EHBP1: variants seen among roughly 807,000 people sequenced by gnomAD.
The protein encoded by EHBP1 is EH domain binding protein 1, also known as EH domain-binding protein 1.
Under a neutral mutation model 144.0 loss-of-function variants are expected in EHBP1, and 55 were observed. The observed-to-expected ratio is 0.38, with a 90% confidence interval of 0.31 to 0.48. EHBP1 has a LOEUF of 0.48. EHBP1 is among the 20% of genes least tolerant of loss of function. The probability of loss-of-function intolerance (pLI) is 0.98; values close to 1 mark genes in which losing one functional copy is unlikely to be tolerated. For synonymous variants in EHBP1, 469 were observed against 472.7 expected (o/e 0.99, Z 0.10); for missense variants, 1,200 against 1,364.2 (o/e 0.88, Z 1.90).
chr2:62,712,904 T>C (rs553276598), intron 2 of EHBP1, among the ~76,000 whole-genome samples: 1 of 152,316 alleles, frequency 6.6e-6, no homozygotes, highest in African/African-American at 2.4e-5. Context: ...CATATCCCAA[T>C]ATATTTTTAA....
At chr2:62,759,318 A>G (rs934151411) in intron 3 of EHBP1, among the ~76,000 whole-genome samples, 1 of 151,504 alleles carries the variant, frequency 6.6e-6, no homozygotes, top group Non-Finnish European at 1.5e-5. Context: ...TCCTGTGCCT[A>G]CTTATTTTAT....
chr2:62,850,382 C>T (rs945148153), intron 7 of EHBP1, among the ~76,000 whole-genome samples: 1 of 152,204 alleles, frequency 6.6e-6, no homozygotes, highest in South Asian at 2.1e-4. Context: ...ATCCCCATCC[C>T]CACCTTTTTT....
chr2:63,032,072 A>G (rs2061272285), intron 19 of EHBP1, among the ~76,000 whole-genome samples: 1 of 152,018 alleles, frequency 6.6e-6, no homozygotes, highest in Admixed American at 6.6e-5. Flanking sequence ...CTTTTGAGAA[A>G]TCCAGTGCTG....
rs2034651385 is a variant in EHBP1 at position 62,706,947 on chromosome 2, C to T, written c.-245C>T. Reference sequence around the variant, plus strand: ...CCCTGAGGTGGCATGGTGATGTCTCCATGAGGGAACCCCTTCCCACTCATC... The same window carrying T: ...CCCTGAGGTGGCATGGTGATGTCTCTATGAGGGAACCCCTTCCCACTCATC... On this transcript the variant is annotated 5_prime_UTR_variant, in exon 2 of 23. Coordinates refer to ENST00000431489, the MANE Select transcript of EHBP1 (RefSeq NM_001142616.3). The T allele has an allele frequency of 4.4e-6, 2 of 450,566 alleles. No homozygotes were observed. Among genetic ancestry groups the T allele is most frequent in the African/African-American group, 2.0e-5 (1 of 50,562 alleles). 27.9% of individuals were successfully genotyped at this position (450,566 alleles called of 1,614,324 possible).
chr2:62,713,129 G>C (rs1461389757), intron 2 of EHBP1, among the ~76,000 whole-genome samples: 1 of 152,086 alleles, frequency 6.6e-6, no homozygotes, highest in Non-Finnish European at 1.5e-5. Context: ...AGATTTTTTG[G>C]GTATGAAGAG....
In EHBP1 at chr2:63,032,532, A is replaced by G. The variant is rs189420186; in HGVS notation, c.3104-5003A>G. On this transcript the variant is annotated intron_variant, in intron 19 of 22. Coordinates refer to ENST00000431489, the MANE Select transcript of EHBP1 (RefSeq NM_001142616.3). ...TAGTGAGCCAAGATCGCGCCACTGC[A>G]CTACAGCCTGGGCGACAGAGCGAGA... Among the ~76,000 whole-genome samples, 1,013 of 144,890 alleles carry G rather than the reference A, an allele frequency of 7.0e-3. 11 individuals are homozygous for G. Among genetic ancestry groups the G allele is most frequent in the Non-Finnish European group, 9.6e-3 (641 of 66,814 alleles).
chr2:62,742,241 G>T (rs1055582556), intron 2 of EHBP1, among the ~76,000 whole-genome samples: 1 of 152,094 alleles, frequency 6.6e-6, no homozygotes, highest in Non-Finnish European at 1.5e-5. Flanking sequence ...TAAGCAGAGT[G>T]TGACTGTATA....
intron 9 of EHBP1, among the ~76,000 whole-genome samples, chr2:62,870,996 T>G (rs2050437454): frequency 6.6e-6 from 1 of 152,088 alleles, no homozygotes; most frequent in Admixed American, 6.6e-5. Flanking sequence ...ACATCTTATT[T>G]CTAATTAATA....
chr2:62,757,224 G>C (rs2040365485), intron 3 of EHBP1, among the ~76,000 whole-genome samples: 1 of 152,026 alleles, frequency 6.6e-6, no homozygotes, highest in East Asian at 1.9e-4. Flanking sequence ...ACATCCCTGG[G>C]CTCAGGTGAT....
chr2:63,037,506 A>C (rs189305812), intron 19 of EHBP1, 29 bp from the exon 20 acceptor site: 1 of 1,480,320 alleles, frequency 6.8e-7, no homozygotes, highest in Non-Finnish European at 9.3e-7. Flanking sequence ...AACATCGTAT[A>C]GTAAAAGGTA....
intron 14 of EHBP1, among the ~76,000 whole-genome samples, chr2:62,967,048 C>T (rs1157377871): frequency 6.6e-6 from 1 of 152,124 alleles, no homozygotes; most frequent in Non-Finnish European, 1.5e-5. Flanking sequence ...CATAATTATG[C>T]CATGTACAAG....
At chr2:62,781,052 T>C (rs1269219096) in intron 5 of EHBP1, among the ~76,000 whole-genome samples, 1 of 152,172 alleles carries the variant, frequency 6.6e-6, no homozygotes, top group East Asian at 1.9e-4. Flanking sequence ...TGACAGATAC[T>C]TGCTACATAC....
intron 15 of EHBP1, among the ~76,000 whole-genome samples, chr2:62,986,653 G>A (rs1371291852): frequency 3.3e-5 from 5 of 151,832 alleles, no homozygotes; most frequent in African/African-American, 1.2e-4. Flanking sequence ...TGGCCAGGCT[G>A]GTCTTGAACT....
chr2:62,852,979 C>G lies in EHBP1; in HGVS notation c.635-6190C>G, dbSNP rs747044267. 2.6e-5 allele frequency among the ~76,000 whole-genome samples: 4 copies of G among 152,192 alleles called. No individual in the cohort carries two copies. In the South Asian group the frequency reaches 6.2e-4, roughly 24 times the overall value. ...TAAAAAGTTCAATTGGTATTAATTG[C>G]GTTTACTTTCTGTTTTCTATGGTTT... is the stretch of plus-strand genomic sequence containing the variant. On this transcript the variant is annotated intron_variant, in intron 7 of 22. Coordinates refer to ENST00000431489, the MANE Select transcript of EHBP1 (RefSeq NM_001142616.3).
At chr2:62,769,471 G>A (rs2041460250) in intron 4 of EHBP1, among the ~76,000 whole-genome samples, 1 of 151,982 alleles carries the variant, frequency 6.6e-6, no homozygotes, top group Admixed American at 6.6e-5. Flanking sequence ...AGATCTATAT[G>A]ATGAAAACTG....
chr2:62,760,865 TA>T (rs751778654), intron 3 of EHBP1, among the ~76,000 whole-genome samples: 3 of 152,204 alleles, frequency 2.0e-5, no homozygotes, highest in Non-Finnish European at 4.4e-5. Context: ...GAATTAGATC[TA>T]AAGATATTTT....
intron 19 of EHBP1, among the ~76,000 whole-genome samples, chr2:63,014,707 C>G (rs2060412503): frequency 6.6e-6 from 1 of 152,154 alleles, no homozygotes; most frequent in South Asian, 2.1e-4. Flanking sequence ...CGGCTGGGCA[C>G]AGGCTCACGC....
intron 4 of EHBP1, among the ~76,000 whole-genome samples, chr2:62,770,079 T>C (rs915900551): frequency 2.6e-5 from 4 of 152,046 alleles, no homozygotes. Context: ...AAGGACAACA[T>C]AGGCAATACC....
At chr2:62,872,712 C>T (rs924568808) in intron 9 of EHBP1, among the ~76,000 whole-genome samples, 2 of 152,110 alleles carry the variant, frequency 1.3e-5, no homozygotes, top group Admixed American at 1.3e-4. Flanking sequence ...GTTTTCATTA[C>T]CACAAAAAGA....
Sources: allele counts gnomAD v4.1 joint callset (sites outside exome capture counted in the v4.1 genomes callset), GRCh38; gene constraint gnomAD v4.1.1; transcripts MANE v1.5; gene names NCBI Gene and HGNC (gene_info 2026-07-23, HGNC 2026-07-21).